Variants in KIFC3 observed in about 807,000 individuals in gnomAD.
KIFC3 encodes the protein kinesin family member C3, also known as kinesin-like protein KIFC3.
In KIFC3, 60 loss-of-function variants were observed where a neutral mutation model predicts 101.8. The observed-to-expected ratio is 0.59, with a 90% CI of 0.48 to 0.73. The LOEUF is 0.73. KIFC3 is among the 30% of genes least tolerant of loss of function. The pLI is 0.00. For missense variants in KIFC3, 966 were observed against 1,137.1 expected (o/e 0.85, Z 2.16); for synonymous variants, 476 against 482.7 (o/e 0.99, Z 0.18).
chr16:57,808,074 C>T (rs782315604), upstream of KIFC3: 5 of 151,974 alleles, frequency 3.3e-5, no homozygotes, highest in Admixed American at 2.0e-4. Flanking sequence ...CCCTAACTCT[C>T]AGTTTAGGGG....
At chr16:57,823,771 G>A (rs1185974488) in intron 1 of KIFC3, among the ~76,000 whole-genome samples, 1 of 129,532 alleles carries the variant, frequency 7.7e-6, no homozygotes, top group African/African-American at 2.6e-5. Context: ...TTGTGTGTGT[G>A]TGTGTGTGTG....
At position 57,802,331 on chromosome 16, in the gene KIFC3, G is replaced by A; in HGVS notation, c.-40+39C>T. 16 of 948,330 alleles carry A rather than the reference G, an allele frequency of 1.7e-5. No homozygotes were observed. Among genetic ancestry groups the A allele is most frequent in the Non-Finnish European group, 2.0e-5 (16 of 796,968 alleles). 58.7% of individuals were successfully genotyped at this position (948,330 alleles called of 1,614,324 possible). A position where few individuals can be genotyped will look rare whatever the true frequency, so the allele number is the denominator to read the frequency against. On this transcript the variant is annotated intron_variant, in intron 1 of 19. Transcript: ENST00000445690. The surrounding 1 kb of genome is among the most constrained non-coding windows in gnomAD (Gnocchi z 5.0). ...AACGGCGGGCCGGGCAGAGCCCAGC[G>A]CCCCGCTCGCACCCAGCCCGCCCGG... is the stretch of plus-strand genomic sequence containing the variant.
chr16:57,843,966 G>C (rs1365108023), intron 1 of KIFC3, among the ~76,000 whole-genome samples: 1 of 151,932 alleles, frequency 6.6e-6, no homozygotes, highest in African/African-American at 2.4e-5. Flanking sequence ...TAATTAGTTG[G>C]GCATGGTGGT....
chr16:57,852,610 T>C (rs1284862918), intron 1 of KIFC3, among the ~76,000 whole-genome samples: 1 of 152,222 alleles, frequency 6.6e-6, no homozygotes, highest in African/African-American at 2.4e-5. Context: ...TTAAATCCTT[T>C]ACAATCATTT....
intron 3 of KIFC3, chr16:57,775,176 C>T: frequency 7.5e-7 from 1 of 1,327,720 alleles, no homozygotes; most frequent in Non-Finnish European, 9.6e-7. Flanking sequence ...CAGAGGGGCA[C>T]CCAAAAGGAA....
intron 1 of KIFC3, among the ~76,000 whole-genome samples, chr16:57,814,708 C>G (rs2055179881): frequency 1.3e-5 from 2 of 152,076 alleles, no homozygotes; most frequent in African/African-American, 4.8e-5. Context: ...TCACTGCAAC[C>G]TCTGCCTCCC....
chr16:57,829,346 T>G lies in KIFC3; in HGVS notation c.109-31064A>C, dbSNP rs545406907. 2.0e-5 allele frequency among the ~76,000 whole-genome samples: 3 copies of G among 152,218 alleles called. No individual in the cohort carries two copies. The South Asian group carries it at 6.2e-4, about 32-fold the overall frequency. ...AGAGCTCACTGCAGCCTCGACCTCC[T>G]GGGCTCAAGCAATCCTCCCACCTCA... On this transcript the variant is annotated intron_variant, in intron 1 of 2. Transcript: ENST00000563028.
chr16:57,821,130 T>TAAA (rs35996609), intron 1 of KIFC3, among the ~76,000 whole-genome samples: 3 of 143,422 alleles, frequency 2.1e-5, no homozygotes, highest in Non-Finnish European at 4.6e-5. Context: ...GCCTGTGTAT[T>TAAA]AAAAAAAAAA....
chr16:57,852,895 C>A (rs1355068354), intron 1 of KIFC3, among the ~76,000 whole-genome samples: 1 of 152,028 alleles, frequency 6.6e-6, no homozygotes, highest in Non-Finnish European at 1.5e-5. Flanking sequence ...ATTCCTAGAG[C>A]AATTTTAAAA....
chr16:57,769,798 G>C lies in KIFC3; in HGVS notation c.1087+10C>G. The C allele has an allele frequency of 6.2e-7, 1 of 1,613,258 alleles. No homozygotes were observed. The highest frequency in any genetic ancestry group is 8.5e-7 in the Non-Finnish European group (1 of 1,179,988). On this transcript the variant is annotated intron_variant, in intron 8 of 19. Coordinates refer to ENST00000445690, the MANE Select transcript of KIFC3 (RefSeq NM_001130100.2). This position sits in a 1 kb window ranked among gnomAD's most constrained non-coding sequence, Gnocchi z 4.3. Reference sequence around the variant, plus strand: ...GCGTGGGGCAGACAGGGCCCAGCTGGTCAGCTCACCTGCTAGATTCTCGTG... The same window carrying C: ...GCGTGGGGCAGACAGGGCCCAGCTGCTCAGCTCACCTGCTAGATTCTCGTG...
Position 57,771,556 on chromosome 16 carries a change from C to T in KIFC3, c.512G>A (p.Cys171Tyr), listed in dbSNP as rs1054979714. The T allele has an allele frequency of 1.2e-6, 2 of 1,613,238 alleles. No individual in the cohort carries two copies. Among genetic ancestry groups the T allele is most frequent in the South Asian group, 1.1e-5 (1 of 91,036 alleles). The part of the protein sequence containing the change: ...RTKPAGPCPG[C>Y]EHSQESAQLR... ...CATTCTGCTCACCTGGCTGTGCTCA[C>T]AACCTGGGCAGGGACCTGCTGGCTT... Residue 171 changes from cysteine (C) to tyrosine (Y), a missense_variant, in exon 5 of 20, where the codon TGT becomes TAT. Around this residue, in one of 2 missense-constraint regions of KIFC3, gnomAD observed 277 missense variants for 252.5 expected, o/e 1.10. Transcript: ENST00000445690.
intron 1 of KIFC3, among the ~76,000 whole-genome samples, chr16:57,857,822 C>T (rs1244630061): frequency 1.1e-4 from 10 of 92,778 alleles, no homozygotes; most frequent in African/African-American, 3.8e-4. Context: ...TTCTTTCTTT[C>T]TTTTTTTTTT....
intron 16 of KIFC3, 110 bp downstream of exon 16, chr16:57,760,616 C>T: frequency 5.4e-6 from 6 of 1,116,358 alleles, no homozygotes; most frequent in Non-Finnish European, 6.6e-6. Context: ...TGTGTGTGGC[C>T]AGGTCTAGGG....
intron 10 of KIFC3, 38 bp downstream of exon 10, chr16:57,766,836 C>G: frequency 1.3e-6 from 2 of 1,507,276 alleles, no homozygotes; most frequent in Admixed American, 3.4e-5. Context: ...GTCGAGGACC[C>G]CGAGGCCAGC....
rs1555591477 is a variant in KIFC3 at position 57,758,720 on chromosome 16, CACAGCCGAGAG to C, written c.*203_*213del. 6 of 824,608 alleles carry C rather than the reference CACAGCCGAGAG, an allele frequency of 7.3e-6. No individual in the cohort carries two copies. The Admixed American group carries it at 1.2e-4, about 16-fold the overall frequency. The allele number at this position is 824,608 out of a possible 1,614,324, so 51.1% of individuals were successfully genotyped here. A position where few individuals can be genotyped will look rare whatever the true frequency, so the allele number is the denominator to read the frequency against. On this transcript the variant is annotated 3_prime_UTR_variant, in exon 20 of 20. Coordinates refer to ENST00000445690, the MANE Select transcript of KIFC3 (RefSeq NM_001130100.2). ...CGCCCATGCAATTTGCACTCAGAGC[CACAGCCGAGAG>C]ACACCGTTTCCTTCTGAACATGTTT...
At chr16:57,790,236 T>A (rs935265684) in intron 3 of KIFC3, among the ~76,000 whole-genome samples, 1 of 151,550 alleles carries the variant, frequency 6.6e-6, no homozygotes, top group Non-Finnish European at 1.5e-5. Context: ...CACACCACCA[T>A]GACTGGCTGA....
chr16:57,825,993 T>A (rs1162599341), intron 1 of KIFC3, among the ~76,000 whole-genome samples: 1 of 152,260 alleles, frequency 6.6e-6, no homozygotes. Context: ...CTTGTTTTCT[T>A]GTTTAACTGT....
chr16:57,769,885 T>C lies in KIFC3; in HGVS notation c.1010A>G (p.Glu337Gly). The change falls in exon 8 of 20, where the codon GAG becomes GGG. Residue 337 changes from glutamate (E) to glycine (G), a missense_variant. Around this residue, in one of 2 missense-constraint regions of KIFC3, gnomAD observed 689 missense variants for 884.6 expected, o/e 0.78. Transcript: ENST00000445690. This position sits in a 1 kb window ranked among gnomAD's most constrained non-coding sequence, Gnocchi z 4.3. Reference sequence around the variant, plus strand: ...CTCCTCAATGGCCCGGTTCTTGTCCTCTTCCAGGGACTGCATCTCCTCCAG... The same window carrying C: ...CTCCTCAATGGCCCGGTTCTTGTCCCCTTCCAGGGACTGCATCTCCTCCAG... ...QMLEEMQSLEEDKNRAIEEAF... is the reference protein window; with the variant it reads ...QMLEEMQSLEGDKNRAIEEAF... 3 of 1,613,874 alleles carry C rather than the reference T, an allele frequency of 1.9e-6. No homozygotes were observed. In the South Asian group the frequency reaches 3.3e-5, roughly 18 times the overall value.
chr16:57,760,226 G>A (rs1200134077), intron 17 of KIFC3, 56 bp downstream of exon 17: 8 of 1,567,252 alleles, frequency 5.1e-6, no homozygotes, highest in East Asian at 2.3e-5. Flanking sequence ...CTCCTGCCAT[G>A]ACCCAAAGTC....
Sources: allele counts gnomAD v4.1 joint callset (sites outside exome capture counted in the v4.1 genomes callset), GRCh38; gene constraint gnomAD v4.1.1; regional missense constraint gnomAD v4.1.1; non-coding constraint Gnocchi (gnomAD v3.1); transcripts MANE v1.5; gene names NCBI Gene and HGNC (gene_info 2026-07-23, HGNC 2026-07-21).